Variants in SOX6 observed in about 807,000 individuals in gnomAD.
SOX6 encodes transcription factor SOX-6.
Under a neutral mutation model 97.8 loss-of-function variants are expected in SOX6, and 11 were observed. The ratio of observed to expected loss-of-function variants is 0.11; its 90% CI spans 0.07 to 0.19. The LOEUF is 0.19. Among genes scored for constraint, SOX6 ranks in the 10% least tolerant of loss-of-function variants. The pLI is 1.00. For missense variants in SOX6, 810 were observed against 1,039.5 expected (o/e 0.78, Z 3.04); for synonymous variants, 360 against 371.4 (o/e 0.97, Z 0.35).
chr11:16,668,947 G>C (rs1437327396), intron 3 of SOX6, among the ~76,000 whole-genome samples: 1 of 152,210 alleles, frequency 6.6e-6, no homozygotes, highest in Non-Finnish European at 1.5e-5. Flanking sequence ...ATTAGCTGGA[G>C]ACTTTAACAC....
intron 1 of SOX6, among the ~76,000 whole-genome samples, chr11:16,458,324 G>A (rs899032620): frequency 2.0e-5 from 3 of 152,080 alleles, no homozygotes; most frequent in Non-Finnish European, 4.4e-5. Flanking sequence ...ACAAGACACA[G>A]AAAAATATTT....
At chr11:16,232,456 C>A (rs1852882346) in intron 4 of SOX6, among the ~76,000 whole-genome samples, 1 of 151,576 alleles carries the variant, frequency 6.6e-6, no homozygotes, top group Non-Finnish European at 1.5e-5. Context: ...CACAAAGAAT[C>A]CAGAAAAAAA....
intron 1 of SOX6, among the ~76,000 whole-genome samples, chr11:16,457,694 C>T (rs1376010718): frequency 2.0e-5 from 3 of 151,952 alleles, no homozygotes; most frequent in Non-Finnish European, 4.4e-5. Context: ...TGCATTTATG[C>T]TATTTTCTAT....
chr11:16,651,217 C>T, intron 3 of SOX6, among the ~76,000 whole-genome samples: 1 of 151,974 alleles, frequency 6.6e-6, no homozygotes, highest in Non-Finnish European at 1.5e-5. Context: ...ACCAACCTTA[C>T]CGAAACTATT....
rs149869991 is a variant in SOX6 at position 16,678,790 on chromosome 11, G to A, written n.429+36040C>T. On this transcript the variant is annotated intron_variant and non_coding_transcript_variant, in intron 3 of 5. Coordinates refer to the SOX6 transcript ENST00000524520. ...CACGATCTTAGCAACCAGCAAACCA[G>A]GAGATCCCCTCCCATGCCTGGCTCG... is the stretch of plus-strand genomic sequence containing the variant. 4.5e-3 allele frequency among the ~76,000 whole-genome samples: 689 copies of A among 152,318 alleles called. 6 individuals are homozygous for A. The highest frequency in any genetic ancestry group is 0.015 in the African/African-American group (603 of 41,580).
intron 4 of SOX6, among the ~76,000 whole-genome samples, chr11:16,541,175 A>G (rs919694859): frequency 1.3e-5 from 2 of 152,224 alleles, no homozygotes. Context: ...CCACACATCT[A>G]CAGCCATCTG....
intron 15 of SOX6, among the ~76,000 whole-genome samples, chr11:15,975,004 T>C (rs1413302004): frequency 6.6e-6 from 1 of 152,170 alleles, no homozygotes. Context: ...CACTCTTTCC[T>C]TTATAGATAT....
intron 6 of SOX6, among the ~76,000 whole-genome samples, chr11:16,129,756 A>AT (rs1849694366): frequency 1.3e-5 from 2 of 152,154 alleles, no homozygotes; most frequent in Non-Finnish European, 2.9e-5. Context: ...CTTATTCATG[A>AT]TTTAAAAAAA....
intron 3 of SOX6, among the ~76,000 whole-genome samples, chr11:16,237,640 T>C (rs796504417): frequency 9.9e-5 from 15 of 152,090 alleles, no homozygotes; most frequent in African/African-American, 3.6e-4. Context: ...AAGATCACAC[T>C]GAGTGGCTTT....
chr11:16,662,877 G>A (rs1436011157), intron 3 of SOX6, among the ~76,000 whole-genome samples: 2 of 151,958 alleles, frequency 1.3e-5, no homozygotes, highest in African/African-American at 4.8e-5. Flanking sequence ...GGAGGCGGGG[G>A]AGATAGTGTC....
chr11:16,100,558 C>T (rs1205785564), intron 7 of SOX6, among the ~76,000 whole-genome samples: 2 of 151,528 alleles, frequency 1.3e-5, no homozygotes, highest in Non-Finnish European at 3.0e-5. Flanking sequence ...CCTTTGGAAT[C>T]AAAACAGCAA....
chr11:15,974,593 A>C (rs1462185623), intron 15 of SOX6, among the ~76,000 whole-genome samples: 6 of 128,234 alleles, frequency 4.7e-5, no homozygotes, highest in Non-Finnish European at 7.7e-5. Flanking sequence ...TCCTGTGTCC[A>C]TGTGATCTCA....
intron 3 of SOX6, among the ~76,000 whole-genome samples, chr11:16,694,528 A>G (rs977319667): frequency 6.6e-6 from 1 of 152,244 alleles, no homozygotes. Flanking sequence ...GTCTCTATAA[A>G]AAAATAAATA....
intron 1 of SOX6, among the ~76,000 whole-genome samples, chr11:16,420,529 A>G (rs1262395877): frequency 6.6e-6 from 1 of 152,186 alleles, no homozygotes. Context: ...ATCTGGGCAG[A>G]GAACTTTCTG....
At chr11:16,181,998 T>C (rs189441956) in intron 6 of SOX6, among the ~76,000 whole-genome samples, 11 of 151,940 alleles carry the variant, frequency 7.2e-5, no homozygotes, top group Admixed American at 5.9e-4. Flanking sequence ...TCTTTTCAAA[T>C]TGATGTTTCC....
rs1468616218 is a variant in SOX6, at chr11:15,989,246, AG to A, written c.1733-17del. On this transcript the variant is annotated splice_polypyrimidine_tract_variant and intron_variant, in intron 13 of 15. Transcript: ENST00000683767. ...GCTTTACTTCCTGTAATGTCAGGGC[AG>A]GAAGAACAAGATGAGTGGAAAGCGT... The A allele has an allele frequency of 1.3e-6, 2 of 1,577,684 alleles. No individual in the cohort carries two copies. The highest frequency in any genetic ancestry group is 1.7e-6 in the Non-Finnish European group (2 of 1,156,320).
At chr11:16,691,575 T>C (rs1172194355) in intron 3 of SOX6, among the ~76,000 whole-genome samples, 1 of 152,156 alleles carries the variant, frequency 6.6e-6, no homozygotes, top group Non-Finnish European at 1.5e-5. Flanking sequence ...TGCAGGTGGA[T>C]CACTTGGCCT....
At chr11:16,409,213 T>C (rs1409537175) in intron 1 of SOX6, among the ~76,000 whole-genome samples, 2 of 151,744 alleles carry the variant, frequency 1.3e-5, no homozygotes, top group Non-Finnish European at 2.9e-5. Context: ...GACAGAGCCT[T>C]ATGGCGACAA....
intron 3 of SOX6, among the ~76,000 whole-genome samples, chr11:16,703,018 T>C (rs1848106362): frequency 6.6e-6 from 1 of 151,340 alleles, no homozygotes; most frequent in Non-Finnish European, 1.5e-5. Context: ...AGCAAATGAA[T>C]AAATGAATAA....
Sources: allele counts gnomAD v4.1 joint callset (sites outside exome capture counted in the v4.1 genomes callset), GRCh38; gene constraint gnomAD v4.1.1; transcripts MANE v1.5; gene names NCBI Gene and HGNC (gene_info 2026-07-23, HGNC 2026-07-21).